Variants in CCDC175 observed in about 807,000 individuals in gnomAD.
CCDC175 encodes coiled-coil domain containing 175.
Under a neutral mutation model 114.6 loss-of-function variants are expected in CCDC175, and 100 were observed. That is an observed-to-expected ratio of 0.87 (90% confidence interval 0.74 to 1.03). The LOEUF (loss-of-function observed/expected upper bound fraction) is 1.03, where lower values mean the gene tolerates loss of function less well. CCDC175 is among the 50% of genes least tolerant of loss of function. The probability of loss-of-function intolerance (pLI) is 0.00; values close to 1 mark genes in which losing one functional copy is unlikely to be tolerated. For missense variants in CCDC175, 880 were observed against 917.8 expected (o/e 0.96, Z 0.53); for synonymous variants, 306 against 308.7 (o/e 0.99, Z 0.09).
Position 59,525,407 on chromosome 14 carries a change from A to G in CCDC175, c.1870T>C (p.Leu624=). The G allele has an allele frequency of 6.6e-7, 1 of 1,513,008 alleles. No homozygotes were observed. The highest frequency in any genetic ancestry group is 8.8e-7 in the Non-Finnish European group (1 of 1,140,616). The allele number at this position is 1,513,008 out of a possible 1,614,324, so 93.7% of individuals were successfully genotyped here. The change falls in exon 16 of 20, where the codon TTA becomes CTA. Residue 624 remains leucine, a synonymous_variant. Coordinates refer to ENST00000537690, the MANE Select transcript of CCDC175 (RefSeq NM_001164399.2). ...MEDVKQELQQ[L]RDQESKKNKD... ...TTTTTTTTGCTTTCTTGATCTCGTA[A>G]TTGTTGTAATTCTTGTTTTACATCT...
At chr14:59,567,481 A>C (rs2140121026) in intron 4 of CCDC175, among the ~76,000 whole-genome samples, 1 of 152,312 alleles carries the variant, frequency 6.6e-6, no homozygotes, top group Middle Eastern at 3.4e-3. Flanking sequence ...GCTCTTTGTG[A>C]ACATTTCTCA....
intron 16 of CCDC175, among the ~76,000 whole-genome samples, chr14:59,523,408 G>A (rs1893536862): frequency 6.6e-6 from 1 of 152,054 alleles, no homozygotes; most frequent in African/African-American, 2.4e-5. Flanking sequence ...CGAGGTGAAG[G>A]ATTTTCTTCA....
intron 7 of CCDC175, among the ~76,000 whole-genome samples, chr14:59,552,411 A>C (rs529529901): frequency 2.0e-5 from 3 of 152,378 alleles, no homozygotes; most frequent in Admixed American, 2.0e-4. Context: ...GAGGGTCCTG[A>C]CTGTTAGAAG....
At chr14:59,531,153 A>G (rs1053612521) in intron 14 of CCDC175, among the ~76,000 whole-genome samples, 1 of 152,036 alleles carries the variant, frequency 6.6e-6, no homozygotes, top group African/African-American at 2.4e-5. Flanking sequence ...GGATATATAA[A>G]CTTTGGACCT....
chr14:59,551,329 A>G, intron 8 of CCDC175, 26 bp downstream of exon 8: 1 of 1,048,822 alleles, frequency 9.5e-7, no homozygotes, highest in Non-Finnish European at 1.3e-6. Context: ...ATTATAATGT[A>G]AAAGTCATGA....
At chr14:59,555,942 A>G (rs1895871308) in intron 7 of CCDC175, among the ~76,000 whole-genome samples, 1 of 152,168 alleles carries the variant, frequency 6.6e-6, no homozygotes, top group Non-Finnish European at 1.5e-5. Context: ...AGAACTACAA[A>G]CCACTGCTCA....
intron 17 of CCDC175, among the ~76,000 whole-genome samples, chr14:59,514,522 T>C (rs1226950981): frequency 6.6e-6 from 1 of 152,144 alleles, no homozygotes; most frequent in East Asian, 1.9e-4. Context: ...GACAAATGCA[T>C]AAGCCTCAGT....
intron 19 of CCDC175, among the ~76,000 whole-genome samples, chr14:59,506,205 T>C (rs1340816724): frequency 1.3e-5 from 2 of 152,060 alleles, no homozygotes; most frequent in Non-Finnish European, 2.9e-5. Flanking sequence ...TCTGGAGAGA[T>C]TTAAAAAAAT....
Position 59,565,275 on chromosome 14 carries a change from C to T in CCDC175, c.492G>A (p.Gly164=), listed in dbSNP as rs765077036. 2.6e-6 allele frequency: 4 copies of T among 1,535,300 alleles called. No individual in the cohort carries two copies. In the South Asian group the frequency reaches 4.8e-5, roughly 18 times the overall value. Reference sequence around the variant, plus strand: ...TCCTTGCTAGCTCTTCCTGCTTCTCCCTGGGAGGAAAGAATTGCTCACAGA... The same window carrying T: ...TCCTTGCTAGCTCTTCCTGCTTCTCTCTGGGAGGAAAGAATTGCTCACAGA... ...TDLTKYNEAL[G]EKQEELARKH... Residue 164 remains glycine, a splice_region_variant and synonymous_variant, in exon 5 of 20, where the codon GGG becomes GGA. Coordinates refer to ENST00000537690, the MANE Select transcript of CCDC175 (RefSeq NM_001164399.2).
chr14:59,569,569 C>G (rs982518000), intron 3 of CCDC175, among the ~76,000 whole-genome samples: 3 of 152,062 alleles, frequency 2.0e-5, no homozygotes, highest in African/African-American at 7.2e-5. Flanking sequence ...TAAAAGCAAC[C>G]CAATCTAGAA....
At chr14:59,559,361 G>C (rs1896104047) in intron 7 of CCDC175, among the ~76,000 whole-genome samples, 1 of 152,156 alleles carries the variant, frequency 6.6e-6, no homozygotes, top group Non-Finnish European at 1.5e-5. Context: ...AGTGCCTCCT[G>C]TCGATCTATG....
intron 14 of CCDC175, among the ~76,000 whole-genome samples, chr14:59,529,966 C>T (rs1893966694): frequency 6.6e-6 from 1 of 152,114 alleles, no homozygotes; most frequent in African/African-American, 2.4e-5. Context: ...CCTTTGTTTA[C>T]ATTAAGAGAT....
At chr14:59,544,167 T>C (rs1261792923) in intron 9 of CCDC175, among the ~76,000 whole-genome samples, 1 of 152,094 alleles carries the variant, frequency 6.6e-6, no homozygotes, top group Admixed American at 6.5e-5. Flanking sequence ...AAGGGTTTTT[T>C]TTGTTTGTTT....
At chr14:59,525,697 C>G (rs1893698405) in intron 15 of CCDC175, among the ~76,000 whole-genome samples, 1 of 152,106 alleles carries the variant, frequency 6.6e-6, no homozygotes, top group African/African-American at 2.4e-5. Flanking sequence ...CCCTCTGTAT[C>G]CGTGGGTTCC....
At position 59,511,819 on chromosome 14, in the gene CCDC175, A is replaced by T. The variant is rs1431213186; in HGVS notation, c.2099-16T>A. 4 of 1,505,200 alleles carry T rather than the reference A, an allele frequency of 2.7e-6. No individual in the cohort carries two copies. Among genetic ancestry groups the T allele is most frequent in the East Asian group, 2.5e-5 (1 of 40,774 alleles). 93.2% of individuals were successfully genotyped at this position (1,505,200 alleles called of 1,614,324 possible). A position where few individuals can be genotyped will look rare whatever the true frequency, so the allele number is the denominator to read the frequency against. On this transcript the variant is annotated splice_polypyrimidine_tract_variant and intron_variant, in intron 17 of 19. Coordinates refer to ENST00000537690, the MANE Select transcript of CCDC175 (RefSeq NM_001164399.2). Reference sequence around the variant, plus strand: ...TTATATTGTGCTAAAATAAAGATTTAAAAAATACAATGGTTACTGACACAA... The same window carrying T: ...TTATATTGTGCTAAAATAAAGATTTTAAAAATACAATGGTTACTGACACAA...
chr14:59,524,562 G>GA (rs1893629936), intron 16 of CCDC175, among the ~76,000 whole-genome samples: 1 of 152,186 alleles, frequency 6.6e-6, no homozygotes, highest in Admixed American at 6.5e-5. Flanking sequence ...TGGTTAAATT[G>GA]AAAAAGACAG....
chr14:59,545,096 C>T (rs1220926068), intron 9 of CCDC175, 67 bp downstream of exon 9: 15 of 1,430,912 alleles, frequency 1.0e-5, no homozygotes, highest in Middle Eastern at 2.4e-4. Flanking sequence ...AGAGCCACCA[C>T]TTTGATAGCA....
rs117191952 is a variant in CCDC175 at position 59,520,189 on chromosome 14, A to G, written c.2098+1385T>C. 1.9e-4 allele frequency among the ~76,000 whole-genome samples: 29 copies of G among 152,370 alleles called. No individual in the cohort carries two copies. The East Asian group carries it at 5.2e-3, about 27-fold the overall frequency. ...TAATATTCAAATGGCCAAGAAACAC[A>G]TGAAAAAGTATACTCAACAACATTA... On this transcript the variant is annotated intron_variant, in intron 17 of 19. Coordinates refer to ENST00000537690, the MANE Select transcript of CCDC175 (RefSeq NM_001164399.2).
At chr14:59,509,366 C>T (rs1892625409) in intron 19 of CCDC175, among the ~76,000 whole-genome samples, 1 of 152,206 alleles carries the variant, frequency 6.6e-6, no homozygotes, top group Non-Finnish European at 1.5e-5. Flanking sequence ...GATCACCAGG[C>T]AGGACCATCA....
Sources: allele counts gnomAD v4.1 joint callset (sites outside exome capture counted in the v4.1 genomes callset), GRCh38; gene constraint gnomAD v4.1.1; transcripts MANE v1.5; gene names NCBI Gene and HGNC (gene_info 2026-07-23, HGNC 2026-07-21).